IL23R: variants seen among roughly 807,000 people sequenced by gnomAD.
IL23R encodes the protein interleukin-23 receptor.
IL23R carries 34 observed loss-of-function variants against 56.9 expected under a neutral mutation model. That is an observed-to-expected ratio of 0.60 (90% CI 0.45 to 0.80). The LOEUF (loss-of-function observed/expected upper bound fraction) is 0.80. IL23R is among the 30% of genes least tolerant of loss of function. The pLI is 0.00. For synonymous variants in IL23R, 230 were observed against 249.2 expected (o/e 0.92, Z 0.73); for missense variants, 635 against 730.0 (o/e 0.87, Z 1.50).
At chr1:67,185,940 A>G (rs1647297469) in intron 4 of IL23R, among the ~76,000 whole-genome samples, 3 of 152,164 alleles carry the variant, frequency 2.0e-5, no homozygotes, top group South Asian at 4.1e-4. Context: ...TGAGGGAACT[A>G]TCGTTATTGT....
At chr1:67,213,939 G>A (rs1338407573) in intron 6 of IL23R, among the ~76,000 whole-genome samples, 1 of 152,138 alleles carries the variant, frequency 6.6e-6, no homozygotes, top group East Asian at 1.9e-4. Flanking sequence ...TCTCCCTTCT[G>A]AATTCCCTAG....
downstream of IL23R, among the ~76,000 whole-genome samples, chr1:67,261,114 A>G (rs939252728): frequency 2.0e-5 from 3 of 151,542 alleles, no homozygotes; most frequent in African/African-American, 7.3e-5. Flanking sequence ...TCTAAAAGCA[A>G]TTTTATGGTC....
intron 9 of IL23R, among the ~76,000 whole-genome samples, chr1:67,249,212 G>T (rs1275123370): frequency 6.6e-6 from 1 of 152,108 alleles, no homozygotes; most frequent in Admixed American, 6.6e-5. Flanking sequence ...TTCTACTTTG[G>T]TTAGCAGTCT....
intron 2 of IL23R, 57 bp downstream of exon 2, chr1:67,168,247 G>C: frequency 8.3e-7 from 1 of 1,201,044 alleles, no homozygotes; most frequent in Non-Finnish European, 1.2e-6. Flanking sequence ...AATATTGAGT[G>C]ATTATCATTT....
At chr1:67,188,781 G>T (rs999508886) in intron 4 of IL23R, among the ~76,000 whole-genome samples, 2 of 152,102 alleles carry the variant, frequency 1.3e-5, no homozygotes, top group South Asian at 4.2e-4. Context: ...GGGCCAGGCA[G>T]CTCCCTTCAA....
chr1:67,238,109 A>G (rs544846099), intron 8 of IL23R, among the ~76,000 whole-genome samples: 16 of 152,304 alleles, frequency 1.1e-4, no homozygotes, highest in Non-Finnish European at 1.6e-4. Context: ...GCACTTTGGG[A>G]GGCCAAGGCA....
downstream of IL23R, among the ~76,000 whole-genome samples, chr1:67,262,816 A>G (rs1653234302): frequency 1.3e-5 from 2 of 152,204 alleles, no homozygotes; most frequent in Admixed American, 1.3e-4. Flanking sequence ...AGAAGAGAGA[A>G]AAAGCCTCTC....
downstream of IL23R, among the ~76,000 whole-genome samples, chr1:67,262,526 C>A (rs1484092126): frequency 6.6e-6 from 1 of 152,122 alleles, no homozygotes; most frequent in African/African-American, 2.4e-5. Flanking sequence ...CTGACAAATC[C>A]TTCTATAGAG....
intron 1 of IL23R, among the ~76,000 whole-genome samples, chr1:67,145,930 G>A (rs4655683): frequency 0.37 from 56,789 of 151,988 alleles, 10,807 homozygotes; most frequent in Admixed American, 0.48. Flanking sequence ...GGCTTCAGGT[G>A]TCTACAGCTT....
rs192894352 is a variant in IL23R at position 67,255,667 on chromosome 1, G to A, written c.1149-170G>A. Among the ~76,000 whole-genome samples the A allele has an allele frequency of 3.1e-3, 471 of 151,948 alleles. 2 individuals are homozygous for A. The highest frequency in any genetic ancestry group is 0.011 in the African/African-American group (444 of 41,444). On this transcript the variant is annotated intron_variant, in intron 9 of 10. Coordinates refer to ENST00000347310, the MANE Select transcript of IL23R (RefSeq NM_144701.3). ...TTGCCCAGGCTGGTCTCGAACTCCT[G>A]GACTCAAGCAATCCTCCCACCTCAG...
chr1:67,207,324 C>T (rs1056766208), intron 6 of IL23R: 11 of 517,148 alleles, frequency 2.1e-5, no homozygotes, highest in African/African-American at 1.7e-4. Context: ...AGCATAGTTA[C>T]CAATAATTTG....
intron 1 of IL23R, among the ~76,000 whole-genome samples, chr1:67,155,301 G>A (rs922355990): frequency 6.6e-6 from 1 of 152,068 alleles, no homozygotes; most frequent in Non-Finnish European, 1.5e-5. Flanking sequence ...TATCTTAGTG[G>A]TGCTCTCTGT....
chr1:67,176,855 A>C (rs1416857733), intron 3 of IL23R, among the ~76,000 whole-genome samples: 1 of 152,102 alleles, frequency 6.6e-6, no homozygotes, highest in Non-Finnish European at 1.5e-5. Flanking sequence ...CTCATTGTTC[A>C]GTTCCCACCT....
chr1:67,144,856 A>C (rs766336608), intron 1 of IL23R, among the ~76,000 whole-genome samples: 1 of 152,098 alleles, frequency 6.6e-6, no homozygotes, highest in African/African-American at 2.4e-5. Context: ...CTGGATTAAT[A>C]TTTCTCACTC....
chr1:67,182,054 C>G (rs1004316572), intron 3 of IL23R, among the ~76,000 whole-genome samples: 1 of 152,216 alleles, frequency 6.6e-6, no homozygotes, highest in African/African-American at 2.4e-5. Context: ...TGGGGGGTGC[C>G]TCCCAGTTAG....
At chr1:67,252,860 A>G (rs1293419193) in intron 9 of IL23R, among the ~76,000 whole-genome samples, 2 of 151,968 alleles carry the variant, frequency 1.3e-5, no homozygotes, top group East Asian at 3.8e-4. Context: ...ATGTACAGAA[A>G]CAGCTGGTTG....
chr1:67,229,685 G>A (rs1379470601), intron 7 of IL23R, among the ~76,000 whole-genome samples: 7 of 152,252 alleles, frequency 4.6e-5, no homozygotes, highest in Non-Finnish European at 7.4e-5. Flanking sequence ...CAAAATGACC[G>A]TTACCACTTT....
chr1:67,237,306 G>A (rs1212026236), intron 8 of IL23R, among the ~76,000 whole-genome samples: 1 of 152,156 alleles, frequency 6.6e-6, no homozygotes, highest in Non-Finnish European at 1.5e-5. Flanking sequence ...CTCCCAAAGT[G>A]CTGGGATTAC....
intron 6 of IL23R, among the ~76,000 whole-genome samples, chr1:67,209,222 G>A (rs975967593): frequency 5.9e-5 from 9 of 152,182 alleles, no homozygotes; most frequent in South Asian, 2.1e-4. Flanking sequence ...TCTCAGATGA[G>A]ACTTTGGACT....
Sources: gnomAD v4.1 joint callset for allele counts (sites outside exome capture counted in the v4.1 genomes callset) on GRCh38, gnomAD v4.1.1 for gene constraint, MANE v1.5 for transcripts, NCBI Gene and HGNC (gene_info 2026-07-23, HGNC 2026-07-21) for gene names.